Variants in SLC25A21 observed in about 807,000 individuals in gnomAD.
SLC25A21 encodes the protein mitochondrial 2-oxodicarboxylate carrier.
Under a neutral mutation model 43.8 loss-of-function variants are expected in SLC25A21, and 47 were observed. That is an observed-to-expected ratio of 1.07 (90% CI 0.85 to 1.37). The LOEUF (loss-of-function observed/expected upper bound fraction) is 1.37. Ranked by LOEUF, SLC25A21 falls within the 40% of genes most tolerant of loss-of-function variation. SLC25A21 has a pLI of 0.00. For synonymous variants in SLC25A21, 131 were observed against 121.3 expected (o/e 1.08, Z -0.52); for missense variants, 352 against 350.2 (o/e 1.00, Z -0.04).
intron 1 of SLC25A21, among the ~76,000 whole-genome samples, chr14:37,009,416 G>A (rs897534980): frequency 6.6e-6 from 1 of 152,152 alleles, no homozygotes; most frequent in African/African-American, 2.4e-5. Context: ...AACCTGGGAG[G>A]CGGAGGTTGC....
At position 37,048,477 on chromosome 14, in the gene SLC25A21, T is replaced by TAA. The variant is rs201028988; in HGVS notation, c.70+123802_70+123803dup. Among the ~76,000 whole-genome samples the TAA allele has an allele frequency of 3.2e-3, 471 of 145,552 alleles. 2 individuals are homozygous for TAA. The highest frequency in any genetic ancestry group is 5.7e-3 in the Non-Finnish European group (377 of 65,818). ...TACTACGTCTTCCTGGTTTTGCAGT[T>TAA]AAAAAAAAAAAAATGTACCTCTACA... On this transcript the variant is annotated intron_variant, in intron 1 of 9. Transcript: ENST00000331299.
chr14:36,880,000 C>A (rs905872043), intron 1 of SLC25A21, among the ~76,000 whole-genome samples: 31 of 152,128 alleles, frequency 2.0e-4, no homozygotes, highest in African/African-American at 7.0e-4. Context: ...ATTTAGGCAA[C>A]CATTTTCCCA....
At chr14:37,042,795 T>C (rs1961502917) in intron 1 of SLC25A21, among the ~76,000 whole-genome samples, 1 of 152,198 alleles carries the variant, frequency 6.6e-6, no homozygotes, top group African/African-American at 2.4e-5. Context: ...AACCAAGCTA[T>C]CATTCTCTTA....
At chr14:36,939,531 C>G (rs1892505318) in intron 1 of SLC25A21, among the ~76,000 whole-genome samples, 1 of 152,040 alleles carries the variant, frequency 6.6e-6, no homozygotes, top group South Asian at 2.1e-4. Flanking sequence ...TCCAGGTTAC[C>G]TGGAGCTTTG....
chr14:37,144,866 T>C (rs1418812500), intron 1 of SLC25A21, among the ~76,000 whole-genome samples: 1 of 152,118 alleles, frequency 6.6e-6, no homozygotes, highest in Non-Finnish European at 1.5e-5. Flanking sequence ...TTCCTGAGCT[T>C]GAGCGATCAG....
intron 1 of SLC25A21, among the ~76,000 whole-genome samples, chr14:36,883,087 C>T (rs1186407132): frequency 6.6e-6 from 1 of 152,142 alleles, no homozygotes; most frequent in Non-Finnish European, 1.5e-5. Context: ...TCTGTTCTCA[C>T]CCCACAGCCT....
chr14:37,153,426 C>T (rs1326843187), intron 1 of SLC25A21, among the ~76,000 whole-genome samples: 2 of 152,276 alleles, frequency 1.3e-5, no homozygotes, highest in Non-Finnish European at 1.5e-5. Flanking sequence ...TGCCAGGAAG[C>T]GGGTGCTGTC....
chr14:36,882,464 C>T (rs906581232), intron 1 of SLC25A21, among the ~76,000 whole-genome samples: 3 of 152,148 alleles, frequency 2.0e-5, no homozygotes, highest in Non-Finnish European at 4.4e-5. Context: ...GCAGCCATTG[C>T]AGTATTCAAC....
chr14:37,158,796 C>T (rs1279153861), intron 1 of SLC25A21, among the ~76,000 whole-genome samples: 2 of 151,910 alleles, frequency 1.3e-5, no homozygotes, highest in Admixed American at 1.3e-4. Context: ...TCACAGTGTC[C>T]CTATTTTCTG....
intron 7 of SLC25A21, among the ~76,000 whole-genome samples, chr14:36,690,787 G>T (rs1882763882): frequency 6.6e-6 from 1 of 152,180 alleles, no homozygotes; most frequent in Non-Finnish European, 1.5e-5. Flanking sequence ...ATGATATCTA[G>T]CTTCTGCCTC....
intron 2 of SLC25A21, among the ~76,000 whole-genome samples, chr14:36,854,037 T>C (rs958631930): frequency 1.3e-5 from 2 of 152,204 alleles, no homozygotes; most frequent in Admixed American, 1.3e-4. Context: ...TAAAGCAATA[T>C]TTAAAGTTGG....
intron 2 of SLC25A21, among the ~76,000 whole-genome samples, chr14:36,819,515 T>C (rs1000198103): frequency 2.0e-5 from 3 of 152,146 alleles, no homozygotes; most frequent in South Asian, 4.1e-4. Context: ...CACTTCCACT[T>C]GTTTGAGTAC....
chr14:36,682,286 G>A (rs553951018), intron 9 of SLC25A21, among the ~76,000 whole-genome samples: 3 of 151,654 alleles, frequency 2.0e-5, no homozygotes, highest in Admixed American at 6.6e-5. Flanking sequence ...CTTTGAAGTC[G>A]CTGGGATGCA....
At chr14:37,129,972 C>T (rs1359286064) in intron 1 of SLC25A21, among the ~76,000 whole-genome samples, 1 of 149,468 alleles carries the variant, frequency 6.7e-6, no homozygotes, top group East Asian at 2.0e-4. Flanking sequence ...AACTTTTAGG[C>T]TTAGTGCAGT....
At chr14:36,954,152 C>T (rs1247362343) in intron 1 of SLC25A21, among the ~76,000 whole-genome samples, 1 of 152,110 alleles carries the variant, frequency 6.6e-6, no homozygotes, top group Non-Finnish European at 1.5e-5. Flanking sequence ...TCAGCTGAAA[C>T]CTGAAAGTCA....
At chr14:36,929,611 A>C (rs1892233165) in intron 1 of SLC25A21, among the ~76,000 whole-genome samples, 1 of 152,156 alleles carries the variant, frequency 6.6e-6, no homozygotes, top group Non-Finnish European at 1.5e-5. Flanking sequence ...CGATAATGTT[A>C]AATAGAGTAA....
intron 1 of SLC25A21, among the ~76,000 whole-genome samples, chr14:37,024,174 A>C (rs17105982): frequency 0.15 from 22,114 of 152,080 alleles, 1,940 homozygotes; most frequent in African/African-American, 0.24. Context: ...TGCAATGCGT[A>C]GCTTTCCTAA....
chr14:37,139,896 A>T (rs1288910419), intron 1 of SLC25A21, among the ~76,000 whole-genome samples: 1 of 152,256 alleles, frequency 6.6e-6, no homozygotes, highest in Non-Finnish European at 1.5e-5. Context: ...ATGAATACGC[A>T]TTAAAAATAA....
At chr14:36,959,676 T>A (rs1467003168) in intron 1 of SLC25A21, among the ~76,000 whole-genome samples, 1 of 152,186 alleles carries the variant, frequency 6.6e-6, no homozygotes, top group Non-Finnish European at 1.5e-5. Context: ...TATCTCTGAA[T>A]TTCCTGAATC....
Sources: gnomAD v4.1 joint callset for allele counts (sites outside exome capture counted in the v4.1 genomes callset) on GRCh38, gnomAD v4.1.1 for gene constraint, MANE v1.5 for transcripts, NCBI Gene and HGNC (gene_info 2026-07-23, HGNC 2026-07-21) for gene names.